Variants in SART1 observed in about 807,000 individuals in gnomAD.
SART1 encodes spliceosome associated factor 1, recruiter of U4/U6.U5 tri-snRNP.
In SART1, 28 loss-of-function variants were observed where a neutral mutation model predicts 105.0. The ratio of observed to expected loss-of-function variants is 0.27; its 90% CI spans 0.20 to 0.37. The LOEUF is 0.37. Among genes scored for constraint, SART1 ranks in the 10% least tolerant of loss-of-function variants. SART1 has a pLI of 1.00. For synonymous variants in SART1, 472 were observed against 462.9 expected (o/e 1.02, Z -0.25); for missense variants, 894 against 1,106.5 (o/e 0.81, Z 2.72).
chr11:65,972,010 A>G (rs905156261), intron 12 of SART1, among the ~76,000 whole-genome samples: 2 of 151,902 alleles, frequency 1.3e-5, no homozygotes, highest in African/African-American at 2.4e-5. Context: ...TGCAATTTCC[A>G]CCTCCTAAAG....
chr11:65,969,516 C>A (rs1855328758), intron 12 of SART1, among the ~76,000 whole-genome samples: 1 of 152,172 alleles, frequency 6.6e-6, no homozygotes, highest in Non-Finnish European at 1.5e-5. Flanking sequence ...GTAGTGCAAT[C>A]ATAGTTCACT....
At chr11:65,974,198 TAAA>T (rs1168176073) in intron 12 of SART1, among the ~76,000 whole-genome samples, 11 of 69,328 alleles carry the variant, frequency 1.6e-4, no homozygotes, top group East Asian at 1.2e-3. Flanking sequence ...CCCTCTCTAC[TAAA>T]AAAAAAAAAA....
Position 65,976,280 on chromosome 11 carries a change from T to G in SART1, c.1573-115T>G, listed in dbSNP as rs191135306. 2.0e-4 allele frequency: 219 copies of G among 1,080,172 alleles called. No individual in the cohort carries two copies. In the East Asian group the frequency reaches 5.3e-3, roughly 26 times the overall value. The allele number at this position is 1,080,172 out of a possible 1,614,324, so 66.9% of individuals were successfully genotyped here. ...GCGGCAGATAGCAGCTGGGCCTGCATGGGCTGTGGGCGTGGCCTGTCTGGC... is the reference window on the plus strand; with the variant it reads ...GCGGCAGATAGCAGCTGGGCCTGCAGGGGCTGTGGGCGTGGCCTGTCTGGC... On this transcript the variant is annotated intron_variant, in intron 12 of 19. Coordinates refer to ENST00000312397, the MANE Select transcript of SART1 (RefSeq NM_005146.5). The surrounding 1 kb of genome is among the most constrained non-coding windows in gnomAD (Gnocchi z 5.1).
intron 12 of SART1, among the ~76,000 whole-genome samples, chr11:65,970,149 T>G (rs1855344049): frequency 6.6e-6 from 1 of 152,124 alleles, no homozygotes; most frequent in Non-Finnish European, 1.5e-5. Context: ...TACAGTTCTT[T>G]TCTTTCTCTT....
chr11:65,968,248 C>G (rs772205136), intron 12 of SART1, among the ~76,000 whole-genome samples: 1 of 152,170 alleles, frequency 6.6e-6, no homozygotes. Context: ...GTGCCCAGCC[C>G]TCTATTCTGT....
rs111836354 is a variant in SART1 at position 65,976,413 on chromosome 11, A to G, written c.1591A>G (p.Lys531Glu). The part of the protein sequence containing the change: ...SGEKVVEIVK[K>E]LESRQRGWEE... ...CCCCCAGGTGGTGGAGATTGTGAAG[A>G]AGCTGGAGTCTCGCCAGCGGGGCTG... The change falls in exon 13 of 20, where the codon AAG becomes GAG. Residue 531 changes from lysine (K) to glutamate (E), a missense_variant. Lys to Glu is a moderately conservative substitution (Grantham distance 56). Around this residue, in one of 2 missense-constraint regions of SART1, gnomAD observed 712 missense variants for 778.2 expected, o/e 0.91. Coordinates refer to ENST00000312397, the MANE Select transcript of SART1 (RefSeq NM_005146.5). This position sits in a 1 kb window ranked among gnomAD's most constrained non-coding sequence, Gnocchi z 5.1. 3 of 1,553,360 alleles carry G rather than the reference A, an allele frequency of 1.9e-6. No individual in the cohort carries two copies. In the South Asian group the frequency reaches 3.8e-5, roughly 19 times the overall value.
chr11:65,972,049 G>A (rs757681135), intron 12 of SART1, among the ~76,000 whole-genome samples: 3 of 152,028 alleles, frequency 2.0e-5, no homozygotes, highest in Non-Finnish European at 4.4e-5. Flanking sequence ...GTCATTGGGG[G>A]TTAGGGCTTC....
Position 65,965,439 on chromosome 11 carries a change from G to C in SART1, c.652G>C (p.Glu218Gln), listed in dbSNP as rs948098606. The change falls in exon 5 of 20, where the codon GAG becomes CAG. Residue 218 changes from glutamate (E) to glutamine (Q), a missense_variant. Physicochemically the swap from Glu to Gln is conservative, Grantham distance 29 (BLOSUM62 2). Around this residue, in one of 2 missense-constraint regions of SART1, gnomAD observed 712 missense variants for 778.2 expected, o/e 0.91. Coordinates refer to ENST00000312397, the MANE Select transcript of SART1 (RefSeq NM_005146.5). ...RQLQKEKDLA[E>Q]KRAKLLEEMD... ...GCTGCAGAAGGAGAAGGACCTGGCA[G>C]AGAAGAGGGTGAGCACCTGGGCAGC... 7.1e-6 allele frequency: 11 copies of C among 1,556,810 alleles called. No individual in the cohort carries two copies. The highest frequency in any genetic ancestry group is 8.7e-6 in the Non-Finnish European group (10 of 1,150,608).
At chr11:65,969,845 C>T (rs2134911474) in intron 12 of SART1, among the ~76,000 whole-genome samples, 1 of 152,354 alleles carries the variant, frequency 6.6e-6, no homozygotes. Flanking sequence ...GCCTCAGCCT[C>T]CTGAGTAGCT....
In SART1 at chr11:65,979,043, G is replaced by T; in HGVS notation, c.*13G>T. 2 of 1,613,960 alleles carry T rather than the reference G, an allele frequency of 1.2e-6. No homozygotes were observed. The highest frequency in any genetic ancestry group is 1.3e-5 in the African/African-American group (1 of 74,986). Reference sequence around the variant, plus strand: ...CATCACCAAGTGACAGCGCCCTCCCGCCCCGGCCCTGCCTCAACCTTCATA... The same window carrying T: ...CATCACCAAGTGACAGCGCCCTCCCTCCCCGGCCCTGCCTCAACCTTCATA... On this transcript the variant is annotated 3_prime_UTR_variant, in exon 20 of 20. Transcript: ENST00000312397.
chr11:65,969,188 A>G (rs187226680), intron 12 of SART1, among the ~76,000 whole-genome samples: 15 of 152,324 alleles, frequency 9.8e-5, no homozygotes, highest in African/African-American at 3.4e-4. Flanking sequence ...GTTTAAGGGC[A>G]TATGGTCTCT....
rs1189733427 is a variant in SART1 at position 65,967,683 on chromosome 11, A to C, written c.1434A>C (p.Glu478Asp). Residue 478 changes from glutamate (E) to aspartate (D), a missense_variant, in exon 12 of 20, where the codon GAA becomes GAC. Physicochemically the swap from Glu to Asp is conservative, Grantham distance 45. This residue lies in a region of SART1 where 712 missense variants were observed against 778.2 expected (regional missense o/e 0.91). Transcript: ENST00000312397. ...CATCCCCTGTGTTTCCCCCAGAGGA[A>C]GGTGGAGCTCCACCGCCGGGGTCCC... ...VENMDISDEE[E>D]GGAPPPGSPQ... 1 of 1,573,086 alleles carries C rather than the reference A, an allele frequency of 6.4e-7. No homozygotes were observed. The highest frequency in any genetic ancestry group is 1.2e-5 in the South Asian group (1 of 86,504).
Position 65,967,603 on chromosome 11 carries a change from G to A in SART1, c.1429+17G>A, listed in dbSNP as rs757960416. ...GTGATGAGGGTGAGGGCCCGGCCAG[G>A]GGGTGGGAGGGGCAGGGACAGGAGC... On this transcript the variant is annotated intron_variant, in intron 11 of 19. Transcript: ENST00000312397. 1.9e-6 allele frequency: 3 copies of A among 1,609,512 alleles called. No individual in the cohort carries two copies. Among genetic ancestry groups the A allele is most frequent in the African/African-American group, 1.3e-5 (1 of 75,034 alleles).
At chr11:65,968,086 A>G (rs1394387171) in intron 12 of SART1, among the ~76,000 whole-genome samples, 4 of 151,484 alleles carry the variant, frequency 2.6e-5, no homozygotes, top group Admixed American at 1.3e-4. Context: ...AGTAGCTGGG[A>G]TTACAGGCGC....
chr11:65,979,272 C>G lies in SART1; in HGVS notation c.*242C>G. On this transcript the variant is annotated 3_prime_UTR_variant, in exon 20 of 20. Coordinates refer to ENST00000312397, the MANE Select transcript of SART1 (RefSeq NM_005146.5). Reference sequence around the variant, plus strand: ...CTTCTCCCCTGGCTGTCGGTCACACCTCTGCAGGGCCGGCTCTCTGATAGA... The same window carrying G: ...CTTCTCCCCTGGCTGTCGGTCACACGTCTGCAGGGCCGGCTCTCTGATAGA... 1.7e-6 allele frequency: 1 copy of G among 602,228 alleles called. No individual in the cohort carries two copies. Among genetic ancestry groups the G allele is most frequent in the South Asian group, 2.0e-5 (1 of 49,302 alleles). The allele number at this position is 602,228 out of a possible 1,614,324, so 37.3% of individuals were successfully genotyped here.
At position 65,965,397 on chromosome 11, in the gene SART1, A is replaced by T. The variant is rs749963270; in HGVS notation, c.610A>T (p.Ile204Phe). ...CTGGCTGGACGACACTGCAGCCTGGATCGAGAGGAGCCGGCAGCTGCAGAA... is the reference window on the plus strand; with the variant it reads ...CTGGCTGGACGACACTGCAGCCTGGTTCGAGAGGAGCCGGCAGCTGCAGAA... ...DPWLDDTAAW[I>F]ERSRQLQKEK... is the part of the protein sequence containing the mutation. Residue 204 changes from isoleucine (I) to phenylalanine (F), a missense_variant, in exon 5 of 20, where the codon ATC becomes TTC. Physicochemically the swap from Ile to Phe is conservative, Grantham distance 21 (BLOSUM62 0). Transcript: ENST00000312397. The T allele has an allele frequency of 6.3e-7, 1 of 1,578,820 alleles. No individual in the cohort carries two copies. Among genetic ancestry groups the T allele is most frequent in the Non-Finnish European group, 8.6e-7 (1 of 1,162,612 alleles).
At chr11:65,974,762 G>A (rs995453436) in intron 12 of SART1, among the ~76,000 whole-genome samples, 5 of 152,096 alleles carry the variant, frequency 3.3e-5, no homozygotes, top group South Asian at 2.1e-4. Context: ...CTGGCCAGGC[G>A]CGGTGGCTCA....
chr11:65,966,057 T>C lies in SART1; in HGVS notation c.839-19T>C. ...GTTGCGGACAAGTGTGAATGGCCACTGCTCTGTGCTGCCCCCAGGCGTGCT... is the reference window on the plus strand; with the variant it reads ...GTTGCGGACAAGTGTGAATGGCCACCGCTCTGTGCTGCCCCCAGGCGTGCT... On this transcript the variant is annotated intron_variant, in intron 7 of 19. Coordinates refer to ENST00000312397, the MANE Select transcript of SART1 (RefSeq NM_005146.5). The C allele has an allele frequency of 1.2e-6, 2 of 1,613,874 alleles. No homozygotes were observed. The highest frequency in any genetic ancestry group is 1.7e-6 in the Non-Finnish European group (2 of 1,179,908).
Position 65,967,824 on chromosome 11 carries a change from G to T in SART1, c.1572+3G>T. ...AGCTGCGAGACAGTGGCGAGAAGGT[G>T]AGGCTGGGCATGGGCAGGGTGACTG... On this transcript the variant is annotated splice_donor_region_variant and intron_variant, in intron 12 of 19. Transcript: ENST00000312397. 6.5e-7 allele frequency: 1 copy of T among 1,526,910 alleles called. No individual in the cohort carries two copies. The highest frequency in any genetic ancestry group is 1.2e-5 in the South Asian group (1 of 81,670). The allele number at this position is 1,526,910 out of a possible 1,614,324, so 94.6% of individuals were successfully genotyped here. A position where few individuals can be genotyped will look rare whatever the true frequency, so the allele number is the denominator to read the frequency against.
Sources: allele counts gnomAD v4.1 joint callset (sites outside exome capture counted in the v4.1 genomes callset), GRCh38; gene constraint gnomAD v4.1.1; regional missense constraint gnomAD v4.1.1; non-coding constraint Gnocchi (gnomAD v3.1); transcripts MANE v1.5; gene names NCBI Gene and HGNC (gene_info 2026-07-23, HGNC 2026-07-21).